IKZF4: variants seen among roughly 807,000 people sequenced by gnomAD.
IKZF4 encodes the protein zinc finger protein Eos.
Under a neutral mutation model 47.7 loss-of-function variants are expected in IKZF4, and 11 were observed. That is an observed-to-expected ratio of 0.23 (90% CI 0.15 to 0.38). The LOEUF (loss-of-function observed/expected upper bound fraction) is 0.38. IKZF4 is among the 10% of genes least tolerant of loss of function. The probability of loss-of-function intolerance (pLI) is 1.00; values close to 1 mark genes in which losing one functional copy is unlikely to be tolerated. For missense variants in IKZF4, 557 were observed against 784.9 expected, an observed-to-expected ratio of 0.71 and a Z score of 3.47; for synonymous variants, 298 against 299.4, an observed-to-expected ratio of 1.00 and a Z score of 0.05.
chr12:56,034,675 G>A lies in IKZF4; in HGVS notation c.1102G>A (p.Gly368Ser), dbSNP rs1895449500. 1.2e-6 allele frequency: 2 copies of A among 1,613,948 alleles called. No individual in the cohort carries two copies. Among genetic ancestry groups the A allele is most frequent in the African/African-American group, 1.3e-5 (1 of 74,938 alleles). Residue 368 changes from glycine (G) to serine (S), a missense_variant, in exon 8 of 8, where the codon GGC (glycine) becomes AGC (serine). By Grantham distance (56) the Gly-to-Ser change is moderately conservative. Around this residue, in one of 6 missense-constraint regions of IKZF4, gnomAD observed 280 missense variants for 314.0 expected, o/e 0.89. Coordinates refer to ENST00000547167, the MANE Select transcript of IKZF4 (RefSeq NM_022465.4). ...GGTGGCACACCACAGCCTAGAGCCT[G>A]GCTTTGGAAGTTCCCTGGCCTTTGT... is the stretch of plus-strand genomic sequence containing the variant. ...ELVAHHSLEP[G>S]FGSSLAFVGA... is the part of the protein sequence containing the mutation.
intron 5 of IKZF4, 30 bp from the exon 6 acceptor site, chr12:56,032,531 C>A: frequency 6.3e-7 from 1 of 1,591,274 alleles, no homozygotes; most frequent in South Asian, 1.1e-5. Context: ...AGAAATAGCT[C>A]TGATGCCATC....
At position 56,015,328 on chromosome 12, in the gene IKZF4, G is replaced by A. The variant is rs560237459; in HGVS notation, c.-213-2798G>A. 9.9e-5 allele frequency among the ~76,000 whole-genome samples: 15 copies of A among 151,314 alleles called. No homozygotes were observed. The East Asian group carries it at 2.0e-3, about 20-fold the overall frequency. ...CTGACCTCGTGATCCGCCCGCCTCC[G>A]CCTCCCAAAGTGCTGGAATTACAGG... On this transcript the variant is annotated intron_variant, in intron 2 of 11. Coordinates refer to the IKZF4 transcript ENST00000262032.
At chr12:56,028,488 G>A (rs1024008517) in intron 5 of IKZF4, among the ~76,000 whole-genome samples, 1 of 133,060 alleles carries the variant, frequency 7.5e-6, no homozygotes, top group African/African-American at 2.8e-5. Context: ...AGCTGAGATC[G>A]CGCCATTGCA....
chr12:56,022,538 C>T (rs1315024573), intron 1 of IKZF4, among the ~76,000 whole-genome samples: 1 of 152,168 alleles, frequency 6.6e-6, no homozygotes, highest in Non-Finnish European at 1.5e-5. Flanking sequence ...CTAAATCTTA[C>T]TCTAGTCCCC....
chr12:56,011,650 T>C (rs1285958395), intron 2 of IKZF4: 2 of 152,248 alleles, frequency 1.3e-5, no homozygotes, highest in Admixed American at 6.5e-5. Context: ...AACTGTATTA[T>C]ATGTAGACAG....
At chr12:56,031,460 C>G (rs1490010896) in intron 5 of IKZF4, among the ~76,000 whole-genome samples, 1 of 152,068 alleles carries the variant, frequency 6.6e-6, no homozygotes, top group East Asian at 1.9e-4. Context: ...ACTGTTTCCC[C>G]AAGGGTCTTT....
chr12:56,032,522 G>C (rs1895053309), intron 5 of IKZF4, 39 bp from the exon 6 acceptor site: 1 of 1,575,528 alleles, frequency 6.3e-7, no homozygotes. Flanking sequence ...GGCACAGCGA[G>C]AAATAGCTCT....
upstream of IKZF4, among the ~76,000 whole-genome samples, chr12:56,017,726 G>A (rs73338343): frequency 1.3e-3 from 195 of 152,156 alleles, 2 homozygotes; most frequent in African/African-American, 4.0e-3. Flanking sequence ...GGTCTCGCTC[G>A]GTTACCCAGG....
chr12:56,028,827 C>T (rs1894479453), intron 5 of IKZF4, among the ~76,000 whole-genome samples: 1 of 149,828 alleles, frequency 6.7e-6, no homozygotes, highest in Non-Finnish European at 1.5e-5. Flanking sequence ...CGGCCCACCT[C>T]AGCCTCCTGA....
chr12:56,030,101 C>T (rs1894667186), intron 5 of IKZF4, among the ~76,000 whole-genome samples: 1 of 152,084 alleles, frequency 6.6e-6, no homozygotes, highest in African/African-American at 2.4e-5. Context: ...CATGTGGGAG[C>T]TAAAAAAGTT....
intron 2 of IKZF4, among the ~76,000 whole-genome samples, chr12:56,013,307 T>C (rs1468223596): frequency 6.6e-6 from 1 of 152,102 alleles, no homozygotes; most frequent in Non-Finnish European, 1.5e-5. Flanking sequence ...ACGATTCTTA[T>C]GCCTCAGCCT....
At chr12:56,030,868 A>T (rs1229638177) in intron 5 of IKZF4, among the ~76,000 whole-genome samples, 1 of 152,240 alleles carries the variant, frequency 6.6e-6, no homozygotes, top group Admixed American at 6.5e-5. Flanking sequence ...GTAGTGTTCC[A>T]CAGCATAGTA....
At chr12:56,017,656 T>G (rs1259552836), upstream of IKZF4, among the ~76,000 whole-genome samples, 1 of 152,086 alleles carries the variant, frequency 6.6e-6, no homozygotes, top group African/African-American at 2.4e-5. Context: ...TATTGGGGTT[T>G]GTAAATCAGG....
At chr12:56,016,233 CCTCT>C, upstream of IKZF4, among the ~76,000 whole-genome samples, 1 of 151,766 alleles carries the variant, frequency 6.6e-6, no homozygotes, top group Non-Finnish European at 1.5e-5. Flanking sequence ...CCCACCCCTA[CCTCT>C]CTCAATATAC....
At chr12:56,033,955 A>G (rs923392152) in intron 7 of IKZF4, among the ~76,000 whole-genome samples, 5 of 152,100 alleles carry the variant, frequency 3.3e-5, no homozygotes, top group African/African-American at 1.2e-4. Context: ...GCTAGAATGC[A>G]GTGGCACGAT....
intron 2 of IKZF4, chr12:56,024,638 C>A: frequency 7.6e-6 from 8 of 1,048,192 alleles, no homozygotes; most frequent in Non-Finnish European, 9.2e-6. Context: ...GATTCAAGGA[C>A]AATTCCAGTT....
rs185709529 is a variant in IKZF4, at chr12:56,038,000, A to G, written c.*2669A>G. 114 of 151,426 alleles carry G rather than the reference A, an allele frequency of 7.5e-4. No individual in the cohort carries two copies. The highest frequency in any genetic ancestry group is 2.4e-3 in the African/African-American group (98 of 41,400). The allele number at this position is 151,426 out of a possible 1,614,324, so 9.4% of individuals were successfully genotyped here. On this transcript the variant is annotated 3_prime_UTR_variant, in exon 8 of 8. Coordinates refer to ENST00000547167, the MANE Select transcript of IKZF4 (RefSeq NM_022465.4). ...CTTTGTTTTTTTGTGTCAGTGTCCA[A>G]GCTGCAGATAGGATTTTGTAATACT...
At position 56,037,042 on chromosome 12, in the gene IKZF4, C is replaced by T. The variant is rs898471103; in HGVS notation, c.*1711C>T. On this transcript the variant is annotated 3_prime_UTR_variant, in exon 8 of 8. Transcript: ENST00000547167. ...GTCCTTTCCTTATTGGCTCTTTTAC[C>T]TCCTACTTTTCTCACTCCCTATCAG... is the stretch of plus-strand genomic sequence containing the variant. 2 of 151,984 alleles carry T rather than the reference C, an allele frequency of 1.3e-5. No individual in the cohort carries two copies. Among genetic ancestry groups the T allele is most frequent in the Non-Finnish European group, 2.9e-5 (2 of 68,030 alleles). The allele number at this position is 151,984 out of a possible 1,614,324, so 9.4% of individuals were successfully genotyped here.
chr12:56,031,561 G>T (rs924622014), intron 5 of IKZF4, among the ~76,000 whole-genome samples: 2 of 152,240 alleles, frequency 1.3e-5, no homozygotes, highest in East Asian at 1.9e-4. Context: ...TTTAGTCAAG[G>T]CCCAGCTTTG....
Sources: allele counts gnomAD v4.1 joint callset (sites outside exome capture counted in the v4.1 genomes callset), GRCh38; gene constraint gnomAD v4.1.1; regional missense constraint gnomAD v4.1.1; transcripts MANE v1.5; gene names NCBI Gene and HGNC (gene_info 2026-07-23, HGNC 2026-07-21).